PIK3R5: variants seen among roughly 807,000 people sequenced by gnomAD.
PIK3R5 encodes phosphoinositide 3-kinase regulatory subunit 5.
PIK3R5 carries 32 observed loss-of-function variants against 94.9 expected under a neutral mutation model. That is an observed-to-expected ratio of 0.34 (90% CI 0.25 to 0.45). The LOEUF (loss-of-function observed/expected upper bound fraction) is 0.45, where lower values mean the gene tolerates loss of function less well. Among genes scored for constraint, PIK3R5 ranks in the 20% least tolerant of loss-of-function variants. PIK3R5 has a pLI of 1.00. For synonymous variants in PIK3R5, 443 were observed against 479.4 expected (o/e 0.92, Z 0.99); for missense variants, 853 against 1,144.6 (o/e 0.75, Z 3.68).
At chr17:8,946,234 T>A (rs1368727967) in intron 1 of PIK3R5, among the ~76,000 whole-genome samples, 1 of 151,686 alleles carries the variant, frequency 6.6e-6, no homozygotes, top group Non-Finnish European at 1.5e-5. Flanking sequence ...CAGGTCCATC[T>A]GGTGTGAGTG....
chr17:8,907,198 AT>A (rs112369294), intron 3 of PIK3R5, among the ~76,000 whole-genome samples: 1,969 of 139,938 alleles, frequency 0.014, 9 homozygotes, highest in East Asian at 0.021. Flanking sequence ...TAATTTTTGT[AT>A]TTTTTTTTTT....
intron 1 of PIK3R5, among the ~76,000 whole-genome samples, chr17:8,961,407 G>T (rs765232661): frequency 6.6e-6 from 1 of 152,130 alleles, no homozygotes; most frequent in Non-Finnish European, 1.5e-5. Flanking sequence ...GGCCAAGGCG[G>T]GCAGAACACC....
rs74390186 is a variant in PIK3R5 at position 8,892,342 on chromosome 17, C to T, written c.482+1244G>A. Among the ~76,000 whole-genome samples the T allele has an allele frequency of 2.1e-3, 321 of 152,222 alleles. 3 individuals carry two copies. The highest frequency in any genetic ancestry group is 7.2e-3 in the African/African-American group (298 of 41,544). On this transcript the variant is annotated intron_variant, in intron 6 of 18. Coordinates refer to ENST00000447110, the MANE Select transcript of PIK3R5 (RefSeq NM_001142633.3). This position sits in a 1 kb window ranked among gnomAD's most constrained non-coding sequence, Gnocchi z 4.3. ...CTTACAACCTTGTAACGAGCCCAGC[C>T]GAGCCCCTGCCCTCACCAGCTTGCA...
rs752964733 is a variant in PIK3R5 at position 8,893,555 on chromosome 17, C to G, written c.482+31G>C. The G allele has an allele frequency of 1.9e-6, 3 of 1,583,394 alleles. No individual in the cohort carries two copies. The Admixed American group carries it at 5.0e-5, about 26-fold the overall frequency. Reference sequence around the variant, plus strand: ...GTGCAGGGGTCCCAAACTCCCTCCCCACTGTTTCTCCGTCCCCCAAGAGCA... The same window carrying G: ...GTGCAGGGGTCCCAAACTCCCTCCCGACTGTTTCTCCGTCCCCCAAGAGCA... On this transcript the variant is annotated intron_variant, in intron 6 of 18. Coordinates refer to ENST00000447110, the MANE Select transcript of PIK3R5 (RefSeq NM_001142633.3). The surrounding 1 kb of genome is among the most constrained non-coding windows in gnomAD (Gnocchi z 5.1).
chr17:8,948,887 ACCCAGTGGGTTAGGTGT>A (rs759133389), intron 1 of PIK3R5, among the ~76,000 whole-genome samples: 29 of 152,152 alleles, frequency 1.9e-4, no homozygotes, highest in Non-Finnish European at 3.2e-4. Flanking sequence ...ACTAGAAACT[ACCCAGTGGGTTAGGTGT>A]CCCAGTGGAG....
chr17:8,925,556 A>G lies in PIK3R5; in HGVS notation c.-13-14049T>C, dbSNP rs2090868187. Among the ~76,000 whole-genome samples the G allele has an allele frequency of 6.6e-6, 1 of 152,254 alleles. No individual in the cohort carries two copies. Among genetic ancestry groups the G allele is most frequent in the Non-Finnish European group, 1.5e-5 (1 of 68,044 alleles). On this transcript the variant is annotated intron_variant, in intron 1 of 18. Transcript: ENST00000447110. The surrounding 1 kb of genome is among the most constrained non-coding windows in gnomAD (Gnocchi z 5.1). Reference sequence around the variant, plus strand: ...TAGTAGATAGATAGTAGATGGATAGATAGATAGATAGAGAAAAAAGGAACA... The same window carrying G: ...TAGTAGATAGATAGTAGATGGATAGGTAGATAGATAGAGAAAAAAGGAACA...
rs1251732240 is a variant in PIK3R5 at position 8,895,521 on chromosome 17, G to A, written c.413-1866C>T. Among the ~76,000 whole-genome samples the A allele has an allele frequency of 5.9e-5, 9 of 151,990 alleles. No homozygotes were observed. The East Asian group carries it at 9.6e-4, about 16-fold the overall frequency. On this transcript the variant is annotated intron_variant, in intron 5 of 18. Transcript: ENST00000447110. ...CCTGAAGCTTGGCAACATTTTCCCC[G>A]TCCCCATACCCAACGGCCCAACCTC...
intron 1 of PIK3R5, among the ~76,000 whole-genome samples, chr17:8,954,276 C>G (rs569058920): frequency 6.6e-6 from 1 of 152,182 alleles, no homozygotes; most frequent in Non-Finnish European, 1.5e-5. Context: ...GTTAGTAATA[C>G]TTTAATTTGC....
At chr17:8,956,876 A>C (rs1209724439) in intron 1 of PIK3R5, among the ~76,000 whole-genome samples, 1 of 152,228 alleles carries the variant, frequency 6.6e-6, no homozygotes, top group African/African-American at 2.4e-5. Context: ...ACCAAGTATC[A>C]GAAGGAGCCA....
rs1367828391 is a variant in PIK3R5 at position 8,890,979 on chromosome 17, C to A, written c.483-67G>T. On this transcript the variant is annotated intron_variant, in intron 6 of 18. Transcript: ENST00000447110. This position sits in a 1 kb window ranked among gnomAD's most constrained non-coding sequence, Gnocchi z 6.1. The stretch of plus-strand genomic sequence containing the variant: ...AGCATGCCACAGTGCAGCCACCCCC[C>A]TCGTGCCTGCTGGTGCTCAGCTCCA... 10 of 1,469,134 alleles carry A rather than the reference C, an allele frequency of 6.8e-6. No homozygotes were observed. The highest frequency in any genetic ancestry group is 9.2e-6 in the Non-Finnish European group (10 of 1,082,912). 91.0% of individuals were successfully genotyped at this position (1,469,134 alleles called of 1,614,324 possible). A position where few individuals can be genotyped will look rare whatever the true frequency, so the allele number is the denominator to read the frequency against.
intron 1 of PIK3R5, among the ~76,000 whole-genome samples, chr17:8,926,394 G>A (rs2090884728): frequency 2.0e-5 from 3 of 152,216 alleles, no homozygotes; most frequent in Admixed American, 6.5e-5. Flanking sequence ...TGTCTATATC[G>A]ATGTCAAAAG....
rs2091052080 is a variant in PIK3R5, at chr17:8,935,233, G to T, written c.-13-23726C>A. Reference sequence around the variant, plus strand: ...ACGTCAATGTCCCATCTAACATAATGGTTCTAACCCCAGTGCCTGGCACAG... The same window carrying T: ...ACGTCAATGTCCCATCTAACATAATTGTTCTAACCCCAGTGCCTGGCACAG... On this transcript the variant is annotated intron_variant, in intron 1 of 18. Coordinates refer to ENST00000447110, the MANE Select transcript of PIK3R5 (RefSeq NM_001142633.3). The surrounding 1 kb of genome is among the most constrained non-coding windows in gnomAD (Gnocchi z 4.5). 6.6e-6 allele frequency among the ~76,000 whole-genome samples: 1 copy of T among 152,048 alleles called. No individual in the cohort carries two copies. Among genetic ancestry groups the T allele is most frequent in the Admixed American group, 6.5e-5 (1 of 15,272 alleles).
At chr17:8,949,017 G>T (rs959031687) in intron 1 of PIK3R5, among the ~76,000 whole-genome samples, 3 of 152,156 alleles carry the variant, frequency 2.0e-5, no homozygotes, top group Non-Finnish European at 4.4e-5. Context: ...CAGGAAGGAG[G>T]AGCTGCCCTG....
intron 5 of PIK3R5, among the ~76,000 whole-genome samples, chr17:8,894,118 C>T (rs2090092041): frequency 1.3e-5 from 2 of 152,348 alleles, no homozygotes; most frequent in South Asian, 2.1e-4. Flanking sequence ...TCAGTTTCTC[C>T]TGGGAAGGGC....
chr17:8,884,805 C>T lies in PIK3R5; in HGVS notation c.2129-22G>A. The T allele has an allele frequency of 6.2e-7, 1 of 1,609,808 alleles. No homozygotes were observed. The highest frequency in any genetic ancestry group is 8.5e-7 in the Non-Finnish European group (1 of 1,177,796). On this transcript the variant is annotated intron_variant, in intron 14 of 18. Coordinates refer to ENST00000447110, the MANE Select transcript of PIK3R5 (RefSeq NM_001142633.3). This position sits in a 1 kb window ranked among gnomAD's most constrained non-coding sequence, Gnocchi z 5.8. ...GGACCTGTGCCACACACAGACAGACCCTTCACTACCCCTGGCTTCCCCGGC... is the reference window on the plus strand; with the variant it reads ...GGACCTGTGCCACACACAGACAGACTCTTCACTACCCCTGGCTTCCCCGGC...
rs1254801657 is a variant in PIK3R5 at position 8,880,738 on chromosome 17, T to C, written c.2544A>G (p.Ser848=). The stretch of plus-strand genomic sequence containing the variant: ...GCAGGTCAGGAGGCGTCTGGGGTGG[T>C]GAGGAGAGGTCGCTCTTCTCTGGCT... ...CYKPEKSDLS[S]PPQTPPDLPA... The change falls in exon 19 of 19, where the codon TCA becomes TCG. Residue 848 remains serine (S), a synonymous_variant. Coordinates refer to ENST00000447110, the MANE Select transcript of PIK3R5 (RefSeq NM_001142633.3). 4.3e-6 allele frequency: 7 copies of C among 1,613,832 alleles called. No individual in the cohort carries two copies. The highest frequency in any genetic ancestry group is 5.1e-6 in the Non-Finnish European group (6 of 1,179,856).
chr17:8,906,168 C>A (rs2090392739), intron 3 of PIK3R5, among the ~76,000 whole-genome samples: 1 of 152,122 alleles, frequency 6.6e-6, no homozygotes, highest in South Asian at 2.1e-4. Flanking sequence ...TCCCCCATCC[C>A]CGACAGGCCC....
intron 1 of PIK3R5, among the ~76,000 whole-genome samples, chr17:8,936,395 T>C (rs1225550313): frequency 6.6e-6 from 1 of 152,130 alleles, no homozygotes; most frequent in East Asian, 1.9e-4. Flanking sequence ...GCCCAGAAAA[T>C]CCCCTATACT....
In PIK3R5 at chr17:8,880,678, G is replaced by C. The variant is rs2089630969; in HGVS notation, c.2604C>G (p.Leu868=). 1 of 1,613,418 alleles carries C rather than the reference G, an allele frequency of 6.2e-7. No individual in the cohort carries two copies. The highest frequency in any genetic ancestry group is 1.3e-5 in the African/African-American group (1 of 74,928). Residue 868 remains leucine (L), a synonymous_variant, in exon 19 of 19, where the codon CTC becomes CTG. Coordinates refer to ENST00000447110, the MANE Select transcript of PIK3R5 (RefSeq NM_001142633.3). ...AQAAPDLCSL[L]CLPIMTFSGA... is the part of the protein sequence containing the mutation. Reference sequence around the variant, plus strand: ...CACTGAAAGTCATGATGGGCAGGCAGAGAAGGGAGCAGAGATCAGGTGCGG... The same window carrying C: ...CACTGAAAGTCATGATGGGCAGGCACAGAAGGGAGCAGAGATCAGGTGCGG...
Sources: gnomAD v4.1 joint callset for allele counts (sites outside exome capture counted in the v4.1 genomes callset) on GRCh38, gnomAD v4.1.1 for gene constraint, Gnocchi (gnomAD v3.1) non-coding constraint, MANE v1.5 for transcripts, NCBI Gene and HGNC (gene_info 2026-07-23, HGNC 2026-07-21) for gene names.